WWC2: variants seen among roughly 807,000 people sequenced by gnomAD.
WWC2 encodes protein WWC2.
In WWC2, 101 loss-of-function variants were observed where a neutral mutation model predicts 138.5. The ratio of observed to expected loss-of-function variants is 0.73; its 90% CI spans 0.62 to 0.86. WWC2 has a LOEUF of 0.86. WWC2 is among the 40% of genes least tolerant of loss of function. WWC2 has a pLI of 0.00. For missense variants in WWC2, 1,420 were observed against 1,419.4 expected, an observed-to-expected ratio of 1.00 and a Z score of -0.01; for synonymous variants, 558 against 538.4, an observed-to-expected ratio of 1.04 and a Z score of -0.50.
At chr4:183,254,988 G>A (rs972753583) in intron 9 of WWC2, among the ~76,000 whole-genome samples, 1 of 152,302 alleles carries the variant, frequency 6.6e-6, no homozygotes, top group East Asian at 1.9e-4. Flanking sequence ...AGAGGAAGAC[G>A]TCTCTGACAT....
chr4:183,311,578 GTTTT>G (rs33921495), intron 21 of WWC2, among the ~76,000 whole-genome samples: 3 of 115,308 alleles, frequency 2.6e-5, no homozygotes, highest in African/African-American at 9.4e-5. Flanking sequence ...ATGTGTGCAG[GTTTT>G]TTTTTTTTTT....
intron 1 of WWC2, among the ~76,000 whole-genome samples, chr4:183,174,769 T>G (rs1734407142): frequency 6.6e-6 from 1 of 152,070 alleles, no homozygotes; most frequent in African/African-American, 2.4e-5. Flanking sequence ...TCATCTCCTT[T>G]TCCTCCTCTC....
chr4:183,166,964 A>G (rs184104098), intron 1 of WWC2, among the ~76,000 whole-genome samples: 1 of 152,318 alleles, frequency 6.6e-6, no homozygotes, highest in East Asian at 1.9e-4. Flanking sequence ...GAGCTTAGAC[A>G]TGTAGTTAAT....
chr4:183,259,727 A>T lies in WWC2; in HGVS notation c.1285A>T (p.Ser429Cys). The T allele has an allele frequency of 6.5e-7, 1 of 1,539,568 alleles. No homozygotes were observed. The highest frequency in any genetic ancestry group is 1.4e-5 in the African/African-American group (1 of 72,734). Residue 429 changes from serine to cysteine, a missense_variant and splice_region_variant, in exon 10 of 23, where the codon AGC becomes TGC. By Grantham distance (112) the Ser-to-Cys change is moderately radical. Coordinates refer to ENST00000403733, the MANE Select transcript of WWC2 (RefSeq NM_024949.6). ...LTTYLHSQLK[S>C]LSASTLSMSS... ...TACTTATTTGCATTCACAACTTAAAAGGTGAGCTTATCAGATTTTTGAGGG... is the reference window on the plus strand; with the variant it reads ...TACTTATTTGCATTCACAACTTAAATGGTGAGCTTATCAGATTTTTGAGGG...
chr4:183,276,021 G>C (rs751401978), intron 16 of WWC2, among the ~76,000 whole-genome samples: 1 of 152,034 alleles, frequency 6.6e-6, no homozygotes, highest in Non-Finnish European at 1.5e-5. Flanking sequence ...CTTTAGCATT[G>C]CATTGCATCT....
intron 9 of WWC2, among the ~76,000 whole-genome samples, chr4:183,257,622 C>A (rs1183778320): frequency 1.3e-5 from 2 of 151,878 alleles, no homozygotes; most frequent in Admixed American, 6.6e-5. Flanking sequence ...TTCTTCTAAC[C>A]CCTGGTTATG....
At chr4:183,263,721 C>T (rs973542405) in intron 11 of WWC2, among the ~76,000 whole-genome samples, 19 of 152,170 alleles carry the variant, frequency 1.2e-4, no homozygotes, top group Non-Finnish European at 8.8e-5. Flanking sequence ...GATTGCACCA[C>T]TGCACTCCAG....
chr4:183,207,629 T>A (rs1006956620), intron 2 of WWC2, among the ~76,000 whole-genome samples: 2 of 152,164 alleles, frequency 1.3e-5, no homozygotes, highest in East Asian at 1.9e-4. Context: ...GTCCAGCTTA[T>A]GCAGGGCATT....
chr4:183,269,332 T>C, intron 15 of WWC2, 169 bp downstream of exon 15: 5 of 745,118 alleles, frequency 6.7e-6, no homozygotes, highest in Non-Finnish European at 9.5e-6. Flanking sequence ...GGTTTCTGTT[T>C]ATTCTCTTAT....
intron 1 of WWC2, among the ~76,000 whole-genome samples, chr4:183,154,179 A>G (rs774966298): frequency 4.6e-5 from 7 of 152,140 alleles, no homozygotes; most frequent in African/African-American, 7.2e-5. Flanking sequence ...AGTTGAGTTC[A>G]TTATGGACTC....
intron 1 of WWC2, among the ~76,000 whole-genome samples, chr4:183,149,609 T>C (rs71620976): frequency 0.15 from 21,545 of 145,668 alleles, 1,739 homozygotes; most frequent in East Asian, 0.25. Context: ...GCAACAAGAG[T>C]GAAACTCTGT....
intron 1 of WWC2, among the ~76,000 whole-genome samples, chr4:183,142,497 A>G (rs1733331251): frequency 6.6e-6 from 1 of 152,236 alleles, no homozygotes; most frequent in Non-Finnish European, 1.5e-5. Context: ...CTTAATGGAA[A>G]GAAGGTTGAC....
In WWC2 at chr4:183,284,208, T is replaced by G. The variant is rs761317586; in HGVS notation, c.2884-18T>G. ...ACACATCTTTCAGCTCCTGACAAAT[T>G]GTTAACTTCTCTTATAGGTTGACAA... On this transcript the variant is annotated intron_variant, in intron 18 of 22. Coordinates refer to ENST00000403733, the MANE Select transcript of WWC2 (RefSeq NM_024949.6). 11 of 1,608,230 alleles carry G rather than the reference T, an allele frequency of 6.8e-6. No individual in the cohort carries two copies. In the Admixed American group the frequency reaches 1.3e-4, roughly 20 times the overall value.
intron 6 of WWC2, among the ~76,000 whole-genome samples, chr4:183,247,012 A>G (rs1736800647): frequency 6.6e-6 from 1 of 152,222 alleles, no homozygotes; most frequent in African/African-American, 2.4e-5. Context: ...ATCCCTTTTC[A>G]GTTACTAAAT....
intron 1 of WWC2, among the ~76,000 whole-genome samples, chr4:183,115,223 A>G (rs189476553): frequency 3.6e-4 from 55 of 152,312 alleles, no homozygotes; most frequent in African/African-American, 1.3e-3. Context: ...TTTGTGGTGC[A>G]TAGTGTTCCA....
chr4:183,122,144 A>G (rs1185965992), intron 1 of WWC2, among the ~76,000 whole-genome samples: 1 of 152,114 alleles, frequency 6.6e-6, no homozygotes, highest in African/African-American at 2.4e-5. Flanking sequence ...TTTTTATTGG[A>G]AAGTTGCTAT....
At chr4:183,301,880 A>C (rs1738852591) in intron 21 of WWC2, among the ~76,000 whole-genome samples, 1 of 152,176 alleles carries the variant, frequency 6.6e-6, no homozygotes, top group South Asian at 2.1e-4. Flanking sequence ...TTTATGCAAC[A>C]TGTGTGTTAG....
intron 19 of WWC2, 93 bp downstream of exon 19, chr4:183,284,483 G>C: frequency 7.1e-7 from 1 of 1,405,520 alleles, no homozygotes; most frequent in Non-Finnish European, 9.6e-7. Flanking sequence ...ACTGTGCACT[G>C]GGAGTCCACA....
chr4:183,245,225 TAAAA>T (rs746541290), intron 5 of WWC2, among the ~76,000 whole-genome samples, 187 bp from the exon 6 acceptor site: 2,667 of 69,394 alleles, frequency 0.038, 105 homozygotes, highest in African/African-American at 0.11. Context: ...AGACTCCATC[TAAAA>T]AAAAAAAAAA....
Sources: allele counts gnomAD v4.1 joint callset (sites outside exome capture counted in the v4.1 genomes callset), GRCh38; gene constraint gnomAD v4.1.1; transcripts MANE v1.5; gene names NCBI Gene and HGNC (gene_info 2026-07-23, HGNC 2026-07-21).